The following PIP4K2A variants were observed in gnomAD, a reference collection of about 807,000 sequenced individuals.
PIP4K2A encodes the protein phosphatidylinositol-5-phosphate 4-kinase type 2 alpha.
A neutral mutation model predicts 42.9 loss-of-function variants in PIP4K2A; 14 were observed. That is an observed-to-expected ratio of 0.33 (90% confidence interval 0.22 to 0.51). PIP4K2A has a LOEUF of 0.51. PIP4K2A is among the 20% of genes least tolerant of loss of function. The pLI, the probability that PIP4K2A is intolerant of heterozygous loss-of-function variation, is 0.97. For missense variants in PIP4K2A, 434 were observed against 519.8 expected (o/e 0.83, Z 1.61); for synonymous variants, 192 against 192.2 (o/e 1.00, Z 0.01).
At chr10:22,595,272 A>T (rs908402013) in intron 3 of PIP4K2A, among the ~76,000 whole-genome samples, 1 of 152,228 alleles carries the variant, frequency 6.6e-6, no homozygotes, top group Non-Finnish European at 1.5e-5. Flanking sequence ...TGTACAATGG[A>T]GCCAAGCAAT....
At chr10:22,650,246 T>C (rs979746513) in intron 1 of PIP4K2A, among the ~76,000 whole-genome samples, 20 of 152,158 alleles carry the variant, frequency 1.3e-4, no homozygotes, top group African/African-American at 3.9e-4. Flanking sequence ...CACTTACCGT[T>C]TTTTAGCCTC....
At chr10:22,710,595 A>G (rs561900406) in intron 1 of PIP4K2A, among the ~76,000 whole-genome samples, 28 of 152,278 alleles carry the variant, frequency 1.8e-4, no homozygotes, top group African/African-American at 6.5e-4. Flanking sequence ...AGGGTACAGA[A>G]AAGTCCCACG....
At chr10:22,540,491 T>C (rs1019374926) in intron 8 of PIP4K2A, among the ~76,000 whole-genome samples, 1 of 152,148 alleles carries the variant, frequency 6.6e-6, no homozygotes, top group African/African-American at 2.4e-5. Context: ...CATCAAATGG[T>C]AGAACTGTTC....
At chr10:22,664,051 ATGTATATATACATATATATATATACG>A (rs1564459695) in intron 1 of PIP4K2A, among the ~76,000 whole-genome samples, 1,044 of 88,730 alleles carry the variant, frequency 0.012, 58 homozygotes, top group African/African-American at 0.05. Context: ...ATATATACAT[ATGTATATATACATATATATATATACG>A]TATATATATA....
chr10:22,702,465 G>A (rs917633729), intron 1 of PIP4K2A, among the ~76,000 whole-genome samples: 2 of 152,174 alleles, frequency 1.3e-5, no homozygotes, highest in African/African-American at 2.4e-5. Context: ...TAGTCTTCAC[G>A]CAGTTCACTT....
intron 1 of PIP4K2A, among the ~76,000 whole-genome samples, chr10:22,633,505 GA>G (rs1268636523): frequency 3.3e-5 from 5 of 152,052 alleles, no homozygotes; most frequent in Admixed American, 6.6e-5. Flanking sequence ...TAAGGAGAGG[GA>G]AAAAATATAA....
At chr10:22,644,251 A>G (rs1757884449) in intron 1 of PIP4K2A, among the ~76,000 whole-genome samples, 1 of 152,154 alleles carries the variant, frequency 6.6e-6, no homozygotes, top group South Asian at 2.1e-4. Flanking sequence ...CCTGCAGTCA[A>G]GTCTTCAGCA....
chr10:22,616,347 A>G (rs1838178141), intron 1 of PIP4K2A, among the ~76,000 whole-genome samples: 1 of 151,988 alleles, frequency 6.6e-6, no homozygotes, highest in Admixed American at 6.6e-5. Flanking sequence ...CACGTGAGGC[A>G]CTCCACACAC....
At chr10:22,564,863 A>G (rs1228424648) in intron 6 of PIP4K2A, among the ~76,000 whole-genome samples, 1 of 152,210 alleles carries the variant, frequency 6.6e-6, no homozygotes, top group Non-Finnish European at 1.5e-5. Flanking sequence ...CCCTGTGGAT[A>G]TGTCCCTGGA....
chr10:22,701,103 T>C (rs566433132), intron 1 of PIP4K2A, among the ~76,000 whole-genome samples: 17 of 152,280 alleles, frequency 1.1e-4, no homozygotes, highest in Admixed American at 1.0e-3. Flanking sequence ...TTCAAGAGCC[T>C]ACCACTAACT....
At chr10:22,637,765 G>C (rs149038748) in intron 1 of PIP4K2A, among the ~76,000 whole-genome samples, 1 of 152,092 alleles carries the variant, frequency 6.6e-6, no homozygotes, top group African/African-American at 2.4e-5. Flanking sequence ...AAAGCAACTC[G>C]GCCACAAAGA....
At chr10:22,566,716 C>T (rs1272163505) in intron 6 of PIP4K2A, among the ~76,000 whole-genome samples, 2 of 152,182 alleles carry the variant, frequency 1.3e-5, no homozygotes, top group African/African-American at 2.4e-5. Flanking sequence ...GCCGCTCTTC[C>T]TCTGACTAAC....
At chr10:22,647,171 C>A (rs1838902225) in intron 1 of PIP4K2A, among the ~76,000 whole-genome samples, 1 of 152,120 alleles carries the variant, frequency 6.6e-6, no homozygotes, top group Admixed American at 6.5e-5. Flanking sequence ...TATTATTACT[C>A]TCATTATTTC....
At chr10:22,657,629 C>G (rs1287799067) in intron 1 of PIP4K2A, among the ~76,000 whole-genome samples, 1 of 152,214 alleles carries the variant, frequency 6.6e-6, no homozygotes, top group Non-Finnish European at 1.5e-5. Flanking sequence ...ACCAAAGAGT[C>G]TTTAGCCTTG....
intron 1 of PIP4K2A, among the ~76,000 whole-genome samples, chr10:22,648,663 A>G (rs992447316): frequency 5.9e-5 from 9 of 152,208 alleles, no homozygotes; most frequent in Non-Finnish European, 1.2e-4. Flanking sequence ...CCACAATCAG[A>G]CATTAAAAAA....
intron 4 of PIP4K2A, among the ~76,000 whole-genome samples, chr10:22,583,475 C>G (rs1305944601): frequency 6.6e-6 from 1 of 152,120 alleles, no homozygotes; most frequent in African/African-American, 2.4e-5. Context: ...GAGCTGGGAT[C>G]CAAGCCAAGG....
At chr10:22,660,315 T>TA (rs1158897881) in intron 1 of PIP4K2A, among the ~76,000 whole-genome samples, 2 of 151,758 alleles carry the variant, frequency 1.3e-5, no homozygotes, top group African/African-American at 4.8e-5. Context: ...TACTAAAATA[T>TA]AAAAAATTAG....
At chr10:22,651,645 T>C (rs1244124664) in intron 1 of PIP4K2A, among the ~76,000 whole-genome samples, 1 of 152,250 alleles carries the variant, frequency 6.6e-6, no homozygotes, top group Non-Finnish European at 1.5e-5. Flanking sequence ...ACCTGTCTTT[T>C]AGCCTTATGC....
intron 1 of PIP4K2A, among the ~76,000 whole-genome samples, chr10:22,659,404 C>A (rs564361185): frequency 6.6e-6 from 1 of 152,250 alleles, no homozygotes; most frequent in African/African-American, 2.4e-5. Context: ...ACCGGCCTAG[C>A]CAATATGGCA....
Sources: gnomAD v4.1 joint callset for allele counts (sites outside exome capture counted in the v4.1 genomes callset) on GRCh38, gnomAD v4.1.1 for gene constraint, MANE v1.5 for transcripts, NCBI Gene and HGNC (gene_info 2026-07-23, HGNC 2026-07-21) for gene names.